Variants in SLC24A3 observed in about 807,000 individuals in gnomAD.
SLC24A3 encodes the protein sodium/potassium/calcium exchanger 3.
SLC24A3 carries 28 observed loss-of-function variants against 75.8 expected under a neutral mutation model. The ratio of observed to expected loss-of-function variants is 0.37; its 90% CI spans 0.27 to 0.51. The LOEUF is 0.51. Ranked by LOEUF, SLC24A3 falls within the 20% of genes least tolerant of loss-of-function variation. The pLI is 0.94. For missense variants in SLC24A3, 663 were observed against 847.8 expected, an observed-to-expected ratio of 0.78 and a Z score of 2.71; for synonymous variants, 372 against 334.1, an observed-to-expected ratio of 1.11 and a Z score of -1.24.
At chr20:19,640,493 T>C (rs995818188) in intron 6 of SLC24A3, among the ~76,000 whole-genome samples, 1 of 152,190 alleles carries the variant, frequency 6.6e-6, no homozygotes, top group African/African-American at 2.4e-5. Context: ...GTCACACCTG[T>C]AATCCTAGCA....
intron 2 of SLC24A3, among the ~76,000 whole-genome samples, chr20:19,354,653 A>G (rs910710945): frequency 6.6e-6 from 1 of 150,976 alleles, no homozygotes; most frequent in African/African-American, 2.4e-5. Flanking sequence ...AGCTCATAGA[A>G]TGATGTTCAA....
intron 6 of SLC24A3, among the ~76,000 whole-genome samples, chr20:19,620,001 G>A (rs1343708479): frequency 6.6e-6 from 1 of 152,086 alleles, no homozygotes; most frequent in Non-Finnish European, 1.5e-5. Flanking sequence ...CACCAAAAGG[G>A]TCACAAGACC....
At chr20:19,438,274 C>A (rs1317262521) in intron 2 of SLC24A3, among the ~76,000 whole-genome samples, 1 of 152,146 alleles carries the variant, frequency 6.6e-6, no homozygotes, top group Non-Finnish European at 1.5e-5. Context: ...CACTTCAGGG[C>A]AGTAAATTGA....
At chr20:19,491,670 G>C (rs985610077) in intron 2 of SLC24A3, among the ~76,000 whole-genome samples, 1 of 152,144 alleles carries the variant, frequency 6.6e-6, no homozygotes, top group Admixed American at 6.5e-5. Flanking sequence ...ATGAGGATGG[G>C]CTCCCCAGAA....
chr20:19,371,242 G>A (rs371840756), intron 2 of SLC24A3, among the ~76,000 whole-genome samples: 2 of 152,180 alleles, frequency 1.3e-5, no homozygotes, highest in East Asian at 3.9e-4. Context: ...GGGAGGTAGG[G>A]GAGGATGCTA....
intron 9 of SLC24A3, among the ~76,000 whole-genome samples, chr20:19,677,612 T>A (rs2032539910): frequency 6.6e-6 from 1 of 151,344 alleles, no homozygotes; most frequent in Non-Finnish European, 1.5e-5. Context: ...TACTAGTTCA[T>A]CCACAAAAAT....
rs73900124 is a variant in SLC24A3, at chr20:19,440,351, C to G, written c.272-75137C>G. On this transcript the variant is annotated intron_variant, in intron 2 of 16. Transcript: ENST00000328041. ...TATCTGTAATCTCAGAAGGAGCTGG[C>G]AAGACAGCTGGGGAGAGAGAATGGG... 3.1e-3 allele frequency among the ~76,000 whole-genome samples: 469 copies of G among 152,286 alleles called. 5 individuals are homozygous for G. The highest frequency in any genetic ancestry group is 0.011 in the African/African-American group (449 of 41,552).
At chr20:19,392,285 G>C (rs941593093) in intron 2 of SLC24A3, among the ~76,000 whole-genome samples, 1 of 152,146 alleles carries the variant, frequency 6.6e-6, no homozygotes, top group African/African-American at 2.4e-5. Context: ...TGGGCAGAAG[G>C]GTGGTCACGG....
At chr20:19,423,309 G>C (rs954610793) in intron 2 of SLC24A3, among the ~76,000 whole-genome samples, 1 of 152,198 alleles carries the variant, frequency 6.6e-6, no homozygotes, top group East Asian at 1.9e-4. Context: ...CTGCTTTCCC[G>C]CTCAGCCCCA....
chr20:19,401,238 C>T (rs935912635), intron 2 of SLC24A3, among the ~76,000 whole-genome samples: 2 of 152,196 alleles, frequency 1.3e-5, no homozygotes, highest in African/African-American at 4.8e-5. Flanking sequence ...AAGCACGAGT[C>T]CACAGAAGTG....
Position 19,328,643 on chromosome 20 carries a change from G to C in SLC24A3, c.271+47556G>C, listed in dbSNP as rs76927062. Among the ~76,000 whole-genome samples, 466 of 152,246 alleles carry C rather than the reference G, an allele frequency of 3.1e-3. 1 individual carries two copies. The highest frequency in any genetic ancestry group is 5.1e-3 in the Non-Finnish European group (347 of 68,010). The stretch of plus-strand genomic sequence containing the variant: ...CAGTTGTAGGAGAAGGTGAGGGGCG[G>C]GTGGAGTGAGCTTCATGGGAGACCG... On this transcript the variant is annotated intron_variant, in intron 2 of 16. Transcript: ENST00000328041.
chr20:19,626,175 G>A (rs183888543), intron 6 of SLC24A3, among the ~76,000 whole-genome samples: 14 of 152,218 alleles, frequency 9.2e-5, no homozygotes, highest in Admixed American at 2.6e-4. Flanking sequence ...AGATAGAAAG[G>A]AAACCACATT....
intron 16 of SLC24A3, among the ~76,000 whole-genome samples, chr20:19,720,318 C>T (rs1286554953): frequency 6.6e-6 from 1 of 152,170 alleles, no homozygotes; most frequent in African/African-American, 2.4e-5. Context: ...AGACCCTCTC[C>T]CCTCTGGAGG....
At position 19,252,647 on chromosome 20, in the gene SLC24A3, G is replaced by GGT. The variant is rs553383258; in HGVS notation, c.143-28311_143-28310insTG. Among the ~76,000 whole-genome samples the GGT allele has an allele frequency of 1.5e-4, 22 of 148,202 alleles. No individual in the cohort carries two copies. In the East Asian group the frequency reaches 3.4e-3, roughly 23 times the overall value. On this transcript the variant is annotated intron_variant, in intron 1 of 16. Coordinates refer to ENST00000328041, the MANE Select transcript of SLC24A3 (RefSeq NM_020689.4). ...AAAAGCCTGAAATTGGAATGGCGGGGGGGGGTGCCTGTTCCAGAAACTCCT... is the reference window on the plus strand; with the variant it reads ...AAAAGCCTGAAATTGGAATGGCGGGGGTGGGGGTGCCTGTTCCAGAAACTCCT...
chr20:19,380,216 A>G (rs1986157204), intron 2 of SLC24A3, among the ~76,000 whole-genome samples: 2 of 152,298 alleles, frequency 1.3e-5, no homozygotes, highest in South Asian at 4.1e-4. Flanking sequence ...ATCTACAGGA[A>G]GCGTATTGAC....
intron 6 of SLC24A3, among the ~76,000 whole-genome samples, chr20:19,591,036 C>T (rs2031368874): frequency 6.6e-6 from 1 of 152,162 alleles, no homozygotes; most frequent in Non-Finnish European, 1.5e-5. Flanking sequence ...TGGCCATCCC[C>T]ACCCCAACCC....
At chr20:19,303,185 C>T (rs1411403096) in intron 2 of SLC24A3, among the ~76,000 whole-genome samples, 6 of 151,974 alleles carry the variant, frequency 3.9e-5, no homozygotes, top group Non-Finnish European at 8.8e-5. Flanking sequence ...CAAGTAGGCC[C>T]CAGTGTCTGT....
intron 2 of SLC24A3, among the ~76,000 whole-genome samples, chr20:19,337,797 T>G (rs1985170397): frequency 6.6e-6 from 1 of 152,218 alleles, no homozygotes; most frequent in Non-Finnish European, 1.5e-5. Context: ...TCTGTGATCA[T>G]CTGGTGGTCA....
chr20:19,564,673 G>C (rs1213287825), intron 3 of SLC24A3, among the ~76,000 whole-genome samples: 1 of 152,102 alleles, frequency 6.6e-6, no homozygotes, highest in Non-Finnish European at 1.5e-5. Context: ...ATCTGTTTGT[G>C]CTCCCTCATA....
Sources: allele counts gnomAD v4.1 joint callset (sites outside exome capture counted in the v4.1 genomes callset), GRCh38; gene constraint gnomAD v4.1.1; transcripts MANE v1.5; gene names NCBI Gene and HGNC (gene_info 2026-07-23, HGNC 2026-07-21).